Variants in PTPRT observed in about 807,000 individuals in gnomAD.
The protein encoded by PTPRT is receptor-type tyrosine-protein phosphatase T.
PTPRT carries 56 observed loss-of-function variants against 176.8 expected under a neutral mutation model. That is an observed-to-expected ratio of 0.32 (90% CI 0.26 to 0.40). PTPRT has a LOEUF of 0.40. Among genes scored for constraint, PTPRT ranks in the 10% least tolerant of loss-of-function variants. PTPRT has a pLI of 1.00. For missense variants in PTPRT, 1,540 were observed against 1,908.2 expected, an observed-to-expected ratio of 0.81 and a Z score of 3.60; for synonymous variants, 783 against 739.0, an observed-to-expected ratio of 1.06 and a Z score of -0.96.
intron 2 of PTPRT, among the ~76,000 whole-genome samples, chr20:42,816,063 C>A (rs1350117990): frequency 2.0e-5 from 3 of 152,136 alleles, no homozygotes; most frequent in Admixed American, 6.5e-5. Flanking sequence ...CAAAAGTCTT[C>A]TTTCTTGGGC....
At chr20:42,621,907 T>C (rs1309123733) in intron 7 of PTPRT, among the ~76,000 whole-genome samples, 1 of 152,122 alleles carries the variant, frequency 6.6e-6, no homozygotes, top group East Asian at 1.9e-4. Flanking sequence ...AGTGATGGAC[T>C]TAGGAAGGGC....
rs2145522227 is a variant in PTPRT, at chr20:42,352,090, T to C, written c.1756A>G (p.Ile586Val). 1 of 1,613,568 alleles carries C rather than the reference T, an allele frequency of 6.2e-7. No homozygotes were observed. The highest frequency in any genetic ancestry group is 8.5e-7 in the Non-Finnish European group (1 of 1,179,614). The change falls in exon 10 of 31, where the codon ATT becomes GTT. Residue 586 changes from isoleucine to valine, a missense_variant. Transcript: ENST00000373187. ...TCCTTTCTAGCAGAGATACCTGAAATTTTGGTGGCAATCCGAGTGGTGACA... is the reference window on the plus strand; with the variant it reads ...TCCTTTCTAGCAGAGATACCTGAAACTTTGGTGGCAATCCGAGTGGTGACA... ...PPVTTRIATK[I>V]SAPSMPEYDT...
At chr20:42,838,016 C>T (rs1342860211) in intron 2 of PTPRT, among the ~76,000 whole-genome samples, 2 of 152,258 alleles carry the variant, frequency 1.3e-5, no homozygotes, top group East Asian at 1.9e-4. Context: ...CAGGCCCTCA[C>T]GTAAACTGTT....
At chr20:42,331,030 G>C (rs2057957969) in intron 11 of PTPRT, among the ~76,000 whole-genome samples, 1 of 152,148 alleles carries the variant, frequency 6.6e-6, no homozygotes, top group African/African-American at 2.4e-5. Flanking sequence ...GCTGGTTTTT[G>C]TTTTGTTTTG....
intron 1 of PTPRT, among the ~76,000 whole-genome samples, chr20:43,134,840 CTGTT>C (rs2013772015): frequency 6.6e-6 from 1 of 152,182 alleles, no homozygotes; most frequent in Non-Finnish European, 1.5e-5. Context: ...ACATCCTGAT[CTGTT>C]AGACTAAGGG....
intron 1 of PTPRT, among the ~76,000 whole-genome samples, chr20:43,120,916 A>C (rs963168774): frequency 1.3e-5 from 2 of 152,206 alleles, no homozygotes; most frequent in East Asian, 3.8e-4. Flanking sequence ...TGCTGAGTAA[A>C]TTTTCACAAA....
chr20:43,146,655 T>A (rs6072999), intron 1 of PTPRT, among the ~76,000 whole-genome samples: 10 of 152,184 alleles, frequency 6.6e-5, no homozygotes, highest in South Asian at 6.2e-4. Flanking sequence ...TGTCTGGGGG[T>A]ACTGAGCATG....
intron 22 of PTPRT, among the ~76,000 whole-genome samples, chr20:42,113,661 C>G (rs550942147): frequency 6.6e-6 from 1 of 152,226 alleles, no homozygotes; most frequent in South Asian, 2.1e-4. Flanking sequence ...TTCACTGGAG[C>G]CTCTGTCCTT....
At chr20:42,264,715 T>C (rs1279453148) in intron 13 of PTPRT, among the ~76,000 whole-genome samples, 1 of 152,248 alleles carries the variant, frequency 6.6e-6, no homozygotes, top group Non-Finnish European at 1.5e-5. Context: ...AGTCTTGCTC[T>C]TGCCTTGGGT....
At chr20:43,095,790 CT>C in intron 1 of PTPRT, among the ~76,000 whole-genome samples, 1 of 101,362 alleles carries the variant, frequency 9.9e-6, no homozygotes, top group Non-Finnish European at 2.2e-5. Context: ...TTTCCTCTCT[CT>C]TCCACACCTC....
chr20:42,387,663 T>C (rs973648181), intron 9 of PTPRT, among the ~76,000 whole-genome samples: 33 of 152,174 alleles, frequency 2.2e-4, no homozygotes, highest in African/African-American at 6.8e-4. Flanking sequence ...TTTAGCTTCT[T>C]AATTGGGGGA....
chr20:42,789,033 C>A (rs1430341052), intron 3 of PTPRT, among the ~76,000 whole-genome samples: 1 of 152,230 alleles, frequency 6.6e-6, no homozygotes, highest in Non-Finnish European at 1.5e-5. Context: ...ATACCCAATT[C>A]ACTTAAGAAT....
intron 9 of PTPRT, among the ~76,000 whole-genome samples, chr20:42,431,994 T>C (rs1353554700): frequency 6.6e-6 from 1 of 152,338 alleles, no homozygotes; most frequent in African/African-American, 2.4e-5. Context: ...ACAGGGCCTT[T>C]AGGCATTGCA....
chr20:42,942,459 C>G (rs1163827155), intron 1 of PTPRT, among the ~76,000 whole-genome samples: 1 of 152,222 alleles, frequency 6.6e-6, no homozygotes, highest in Admixed American at 6.5e-5. Context: ...GGTACCCCAC[C>G]ACGTGTTCTT....
chr20:42,456,004 A>G (rs2070916601), intron 8 of PTPRT, among the ~76,000 whole-genome samples: 1 of 152,050 alleles, frequency 6.6e-6, no homozygotes, highest in South Asian at 2.1e-4. Flanking sequence ...ATCAAATGGG[A>G]GATAATATCA....
intron 1 of PTPRT, among the ~76,000 whole-genome samples, chr20:42,896,902 C>G (rs937533165): frequency 2.6e-5 from 4 of 152,148 alleles, no homozygotes; most frequent in South Asian, 4.1e-4. Flanking sequence ...GTAGCTGATT[C>G]TTGCCCCCGG....
chr20:42,614,981 A>G (rs375602866), intron 7 of PTPRT, among the ~76,000 whole-genome samples: 26,053 of 136,888 alleles, frequency 0.19, 3,426 homozygotes, highest in African/African-American at 0.38. Flanking sequence ...ACATGTGCAC[A>G]TTGTGCAGGT....
In PTPRT at chr20:42,813,387, T is replaced by A. The variant is rs141651103; in HGVS notation, c.215-21921A>T. Among the ~76,000 whole-genome samples, 41 of 151,976 alleles carry A rather than the reference T, an allele frequency of 2.7e-4. No individual in the cohort carries two copies. The East Asian group carries it at 5.4e-3, about 20-fold the overall frequency. ...TTGCTTGCATCCCTTCCTTCCTTTT[T>A]CTTCCTTCCTTCCTTGCCCCCTCCC... On this transcript the variant is annotated intron_variant, in intron 2 of 30. Coordinates refer to ENST00000373187, the MANE Select transcript of PTPRT (RefSeq NM_007050.6).
chr20:42,254,583 C>T (rs2146938761), intron 13 of PTPRT, among the ~76,000 whole-genome samples: 1 of 152,236 alleles, frequency 6.6e-6, no homozygotes, highest in East Asian at 1.9e-4. Context: ...GATTTGGTCC[C>T]TTTAATTTCA....
Sources: allele counts gnomAD v4.1 joint callset (sites outside exome capture counted in the v4.1 genomes callset), GRCh38; gene constraint gnomAD v4.1.1; transcripts MANE v1.5; gene names NCBI Gene and HGNC (gene_info 2026-07-23, HGNC 2026-07-21).